The following AGBL3 variants were observed in gnomAD, a reference collection of about 807,000 sequenced individuals.
AGBL3 encodes the protein cytosolic carboxypeptidase 3.
Under a neutral mutation model 94.5 loss-of-function variants are expected in AGBL3, and 68 were observed. That is an observed-to-expected ratio of 0.72 (90% CI 0.59 to 0.88). The LOEUF is 0.88. Among genes scored for constraint, AGBL3 ranks in the 40% least tolerant of loss-of-function variants. The pLI, the probability that AGBL3 is intolerant of heterozygous loss-of-function variation, is 0.00. For synonymous variants in AGBL3, 354 were observed against 370.7 expected (o/e 0.95, Z 0.52); for missense variants, 934 against 1,103.8 (o/e 0.85, Z 2.18).
chr7:135,033,077 G>A, intron 6 of AGBL3, 95 bp downstream of exon 6: 1 of 1,227,868 alleles, frequency 8.1e-7, no homozygotes, highest in Middle Eastern at 2.5e-4. Context: ...TTATGAAACT[G>A]TAATTCCTTG....
At chr7:135,027,668 T>C (rs1472695622) in intron 5 of AGBL3, among the ~76,000 whole-genome samples, 1 of 151,666 alleles carries the variant, frequency 6.6e-6, no homozygotes, top group Non-Finnish European at 1.5e-5. Context: ...GAGTTGGCTT[T>C]TTTTTCTTTA....
intron 11 of AGBL3, among the ~76,000 whole-genome samples, chr7:135,056,299 C>T (rs1818344775): frequency 6.6e-6 from 1 of 151,798 alleles, no homozygotes; most frequent in Non-Finnish European, 1.5e-5. Flanking sequence ...GTCTCTATTT[C>T]TCCTTTTTCT....
chr7:134,993,822 G>T, intron 4 of AGBL3, 144 bp downstream of exon 4: 1 of 778,052 alleles, frequency 1.3e-6, no homozygotes, highest in Non-Finnish European at 1.8e-6. Context: ...TTTTAAATTT[G>T]CTTGTAGCCA....
At chr7:135,067,598 C>T (rs942207712) in intron 12 of AGBL3, among the ~76,000 whole-genome samples, 1 of 152,242 alleles carries the variant, frequency 6.6e-6, no homozygotes, top group African/African-American at 2.4e-5. Context: ...CGCTGTTCTG[C>T]AGCCTCCGCT....
At chr7:135,032,071 C>G (rs1298000195) in intron 5 of AGBL3, among the ~76,000 whole-genome samples, 3 of 152,104 alleles carry the variant, frequency 2.0e-5, no homozygotes, top group African/African-American at 7.2e-5. Flanking sequence ...TGCCACCTCC[C>G]TAGGCTGTAG....
intron 15 of AGBL3, among the ~76,000 whole-genome samples, chr7:135,097,067 T>C (rs1232967327): frequency 6.6e-6 from 1 of 152,238 alleles, no homozygotes; most frequent in East Asian, 1.9e-4. Context: ...CTGGTGAATT[T>C]GCTTGGGCAT....
At chr7:135,024,930 AT>A (rs143420706) in intron 5 of AGBL3, among the ~76,000 whole-genome samples, 8,729 of 150,830 alleles carry the variant, frequency 0.058, 325 homozygotes, top group Middle Eastern at 0.1. Context: ...AGAAGAAATA[AT>A]TTTTTTAATG....
In AGBL3 at chr7:135,097,791, C is replaced by A. The variant is rs566770247; in HGVS notation, c.2110+16001C>A. Among the ~76,000 whole-genome samples, 9 of 152,114 alleles carry A rather than the reference C, an allele frequency of 5.9e-5. No homozygotes were observed. The South Asian group carries it at 1.9e-3, about 32-fold the overall frequency. ...ATTTGATATTATATGTAGGTTGTGA[C>A]AAAGACGTGTATGGTAAAAAATGAC... On this transcript the variant is annotated intron_variant, in intron 15 of 16. Transcript: ENST00000436302.
At chr7:135,052,595 C>T (rs571326881) in intron 11 of AGBL3, among the ~76,000 whole-genome samples, 7 of 152,082 alleles carry the variant, frequency 4.6e-5, no homozygotes, top group African/African-American at 1.7e-4. Flanking sequence ...ATCTTGGAGT[C>T]CCCAGTGCCT....
At chr7:135,035,336 G>A (rs973990955) in intron 7 of AGBL3, among the ~76,000 whole-genome samples, 5 of 152,110 alleles carry the variant, frequency 3.3e-5, no homozygotes, top group African/African-American at 9.6e-5. Flanking sequence ...ATGTCAGTTA[G>A]TCTCTGAATG....
intron 5 of AGBL3, among the ~76,000 whole-genome samples, chr7:135,020,748 T>C (rs1305987058): frequency 2.0e-5 from 3 of 152,152 alleles, no homozygotes; most frequent in African/African-American, 7.2e-5. Flanking sequence ...GATGAGTTCA[T>C]GTCCCTTGTA....
At chr7:135,092,474 G>A (rs1821998633) in intron 15 of AGBL3, 1 of 152,008 alleles carries the variant, frequency 6.6e-6, no homozygotes, top group Non-Finnish European at 1.5e-5. Context: ...TGTTGTTCAT[G>A]TTCTTTTAAA....
intron 15 of AGBL3, among the ~76,000 whole-genome samples, chr7:135,083,161 A>G (rs1048790016): frequency 2.0e-5 from 3 of 152,062 alleles, no homozygotes; most frequent in South Asian, 2.1e-4. Context: ...CATCATTACC[A>G]TCATTCTTTT....
intron 11 of AGBL3, among the ~76,000 whole-genome samples, chr7:135,055,136 A>G (rs1165742131): frequency 6.6e-6 from 1 of 152,172 alleles, no homozygotes; most frequent in Non-Finnish European, 1.5e-5. Context: ...AAGAGTGAGA[A>G]CCCGGTCATT....
chr7:135,120,932 AGTGGCTTACACCT>A (rs1168586277), intron 16 of AGBL3, among the ~76,000 whole-genome samples: 3 of 152,320 alleles, frequency 2.0e-5, no homozygotes, highest in African/African-American at 7.2e-5. Context: ...GGCTGGGTGC[AGTGGCTTACACCT>A]GTAATCCCAG....
chr7:135,037,517 T>G lies in AGBL3; in HGVS notation c.1437T>G (p.Ser479=), dbSNP rs1167445012. 1.3e-6 allele frequency: 2 copies of G among 1,548,958 alleles called. No individual in the cohort carries two copies. Among genetic ancestry groups the G allele is most frequent in the African/African-American group, 2.7e-5 (2 of 72,890 alleles). Residue 479 remains serine (S), a synonymous_variant, in exon 8 of 17, where the codon TCT becomes TCG. Coordinates refer to ENST00000436302, the MANE Select transcript of AGBL3 (RefSeq NM_178563.4). ...ATGGCTGTGATGGTAGTGACAGATC[T>G]AAGACATTATACTTACAGCAACGAA... The part of the protein sequence containing the change: ...FMYGCDGSDR[S]KTLYLQQRIF...
intron 7 of AGBL3, among the ~76,000 whole-genome samples, chr7:135,036,756 T>G (rs6467569): frequency 0.44 from 67,418 of 151,968 alleles, 15,574 homozygotes; most frequent in East Asian, 0.78. Context: ...GTATTTACAT[T>G]TACAAAGATA....
intron 12 of AGBL3, among the ~76,000 whole-genome samples, chr7:135,067,419 C>A (rs180911683): frequency 6.6e-6 from 1 of 152,232 alleles, no homozygotes; most frequent in South Asian, 2.1e-4. Context: ...AACTGGAGAT[C>A]TGAGAACGAG....
chr7:135,020,632 C>T (rs924405996), intron 5 of AGBL3, among the ~76,000 whole-genome samples: 2 of 152,086 alleles, frequency 1.3e-5, no homozygotes, highest in African/African-American at 4.8e-5. Context: ...CGGCACTATT[C>T]ACAATAGCAA....
Sources: gnomAD v4.1 joint callset for allele counts (sites outside exome capture counted in the v4.1 genomes callset) on GRCh38, gnomAD v4.1.1 for gene constraint, MANE v1.5 for transcripts, NCBI Gene and HGNC (gene_info 2026-07-23, HGNC 2026-07-21) for gene names.